The following FYN variants were observed in gnomAD, a reference collection of about 807,000 sequenced individuals.
FYN encodes the protein FYN proto-oncogene, Src family tyrosine kinase.
Under a neutral mutation model 70.2 loss-of-function variants are expected in FYN, and 10 were observed. That is an observed-to-expected ratio of 0.14 (90% CI 0.09 to 0.24). The LOEUF is 0.24. Ranked by LOEUF, FYN falls within the 10% of genes least tolerant of loss-of-function variation. The pLI is 1.00. For synonymous variants in FYN, 236 were observed against 248.6 expected, an observed-to-expected ratio of 0.95 and a Z score of 0.48; for missense variants, 319 against 673.1, an observed-to-expected ratio of 0.47 and a Z score of 5.82.
intron 2 of FYN, among the ~76,000 whole-genome samples, chr6:111,843,217 G>A (rs568740775): frequency 2.0e-5 from 3 of 152,292 alleles, no homozygotes; most frequent in East Asian, 1.9e-4. Context: ...CAGGATGCAC[G>A]GAAACCAAAC....
At chr6:111,749,377 C>T (rs976948583) in intron 3 of FYN, among the ~76,000 whole-genome samples, 2 of 152,190 alleles carry the variant, frequency 1.3e-5, no homozygotes, top group Non-Finnish European at 2.9e-5. Flanking sequence ...AGGATGCTTG[C>T]TCTATGTACC....
chr6:111,663,704 A>G (rs1450493813), intron 13 of FYN, among the ~76,000 whole-genome samples: 1 of 152,184 alleles, frequency 6.6e-6, no homozygotes, highest in African/African-American at 2.4e-5. Context: ...GGTTTGGTGA[A>G]GGAGTCAGGG....
chr6:111,663,960 C>T (rs570729898), intron 13 of FYN, among the ~76,000 whole-genome samples: 9 of 152,296 alleles, frequency 5.9e-5, no homozygotes, highest in Admixed American at 3.9e-4. Context: ...CACCATCCAA[C>T]GAGCTCTGAA....
chr6:111,752,470 A>G (rs1344533192), intron 3 of FYN, among the ~76,000 whole-genome samples: 1 of 152,264 alleles, frequency 6.6e-6, no homozygotes, highest in Admixed American at 6.5e-5. Flanking sequence ...GAGATCAGTC[A>G]AGGCTCCATT....
chr6:111,815,794 T>C (rs774667960), intron 2 of FYN, among the ~76,000 whole-genome samples: 5 of 151,882 alleles, frequency 3.3e-5, no homozygotes, highest in East Asian at 1.9e-4. Flanking sequence ...TCATCGCTCA[T>C]TGCAGCCTCA....
Position 111,674,614 on chromosome 6 carries a change from G to T in FYN, c.1290C>A (p.Ile430=). ...GGGCTGCCTCGGGGGCCGTCCACTT[G>T]ATGGGGAACTTTGCACCTGCAGAAT... is the stretch of plus-strand genomic sequence containing the variant. The part of the protein sequence containing the change: ...YTARQGAKFP[I]KWTAPEAALY... The change falls in exon 13 of 14, where the codon ATC becomes ATA. Residue 430 remains isoleucine, a synonymous_variant. Transcript: ENST00000354650. The T allele has an allele frequency of 6.2e-7, 1 of 1,613,642 alleles. No homozygotes were observed. The highest frequency in any genetic ancestry group is 1.1e-5 in the South Asian group (1 of 91,002).
chr6:111,737,800 G>T (rs566143258), intron 3 of FYN, among the ~76,000 whole-genome samples: 1 of 152,208 alleles, frequency 6.6e-6, no homozygotes, highest in Non-Finnish European at 1.5e-5. Context: ...TCCTCTAGAC[G>T]TTTACTACTT....
chr6:111,773,551 GA>G (rs1803562749), intron 3 of FYN, among the ~76,000 whole-genome samples: 1 of 61,884 alleles, frequency 1.6e-5, no homozygotes, highest in Admixed American at 1.7e-4. Flanking sequence ...GGGAGAGGGA[GA>G]CGCAGAGGAG....
At chr6:111,844,464 A>G (rs903370230) in intron 2 of FYN, among the ~76,000 whole-genome samples, 1 of 152,246 alleles carries the variant, frequency 6.6e-6, no homozygotes, top group Non-Finnish European at 1.5e-5. Flanking sequence ...CGTGTTCAAC[A>G]GTGTTCTACC....
intron 3 of FYN, among the ~76,000 whole-genome samples, chr6:111,735,256 A>G (rs1473405641): frequency 6.6e-6 from 1 of 152,238 alleles, no homozygotes; most frequent in Non-Finnish European, 1.5e-5. Flanking sequence ...CTCCCTGCTC[A>G]AAAGGAGCTT....
At chr6:111,731,669 T>C (rs1277851541) in intron 3 of FYN, among the ~76,000 whole-genome samples, 2 of 152,224 alleles carry the variant, frequency 1.3e-5, no homozygotes, top group African/African-American at 4.8e-5. Context: ...GCAGATAAAG[T>C]AGCCAGTCAG....
intron 3 of FYN, among the ~76,000 whole-genome samples, chr6:111,754,853 C>A (rs9374287): frequency 0.033 from 5,067 of 152,086 alleles, 146 homozygotes; most frequent in East Asian, 0.13. Flanking sequence ...AGCATGACCA[C>A]ACAGAATTTA....
intron 2 of FYN, among the ~76,000 whole-genome samples, chr6:111,789,234 G>A (rs1187868398): frequency 6.6e-5 from 10 of 152,208 alleles, no homozygotes; most frequent in Admixed American, 1.3e-4. Context: ...ACCAATATAA[G>A]CTCATGCTCA....
chr6:111,799,829 C>G (rs1310156175), intron 2 of FYN, among the ~76,000 whole-genome samples: 1 of 152,166 alleles, frequency 6.6e-6, no homozygotes, highest in African/African-American at 2.4e-5. Flanking sequence ...CTTGTCCACC[C>G]TTGTTATGTG....
chr6:111,828,256 T>C (rs1398483911), intron 2 of FYN, among the ~76,000 whole-genome samples: 1 of 152,168 alleles, frequency 6.6e-6, no homozygotes, highest in African/African-American at 2.4e-5. Flanking sequence ...GAAAAACCCA[T>C]GCTCTGTGGG....
chr6:111,746,736 T>A (rs1802239195), intron 3 of FYN, among the ~76,000 whole-genome samples: 1 of 152,164 alleles, frequency 6.6e-6, no homozygotes, highest in Non-Finnish European at 1.5e-5. Flanking sequence ...GCATTAAGGT[T>A]ATGAGTGGCT....
intron 2 of FYN, among the ~76,000 whole-genome samples, chr6:111,785,470 CCT>C (rs1426861107): frequency 6.6e-6 from 1 of 152,158 alleles, no homozygotes; most frequent in African/African-American, 2.4e-5. Context: ...CTGACTCTGG[CCT>C]CTCTTTTCCC....
chr6:111,689,255 A>G (rs919202777), intron 12 of FYN, among the ~76,000 whole-genome samples: 1 of 152,214 alleles, frequency 6.6e-6, no homozygotes, highest in Non-Finnish European at 1.5e-5. Flanking sequence ...GAGCTGATTC[A>G]AAGCCAGGGA....
intron 1 of FYN, among the ~76,000 whole-genome samples, chr6:111,866,621 C>T (rs564262363): frequency 2.6e-5 from 4 of 152,346 alleles, no homozygotes; most frequent in East Asian, 1.9e-4. Flanking sequence ...GGATTACAGG[C>T]GTGAGCCCCC....
Sources: allele counts gnomAD v4.1 joint callset (sites outside exome capture counted in the v4.1 genomes callset), GRCh38; gene constraint gnomAD v4.1.1; transcripts MANE v1.5; gene names NCBI Gene and HGNC (gene_info 2026-07-23, HGNC 2026-07-21).